Variants in MTMR3 observed in about 807,000 individuals in gnomAD.
MTMR3 encodes the protein myotubularin related protein 3.
Under a neutral mutation model 132.4 loss-of-function variants are expected in MTMR3, and 32 were observed. That is an observed-to-expected ratio of 0.24 (90% CI 0.18 to 0.32). The LOEUF is 0.32. Ranked by LOEUF, MTMR3 falls within the 10% of genes least tolerant of loss-of-function variation. The pLI is 1.00. For missense variants in MTMR3, 1,216 were observed against 1,489.6 expected (o/e 0.82, Z 3.02); for synonymous variants, 556 against 550.3 (o/e 1.01, Z -0.14).
intron 7 of MTMR3, chr22:29,992,596 G>A (rs2066986342): frequency 6.6e-6 from 1 of 152,178 alleles, no homozygotes; most frequent in Non-Finnish European, 1.5e-5. Context: ...TAGTGTGTCA[G>A]GTTTCAAAGT....
Position 29,883,376 on chromosome 22 carries a change from C to T in MTMR3, c.-138+17C>T, listed in dbSNP as rs3747148. ...TGCTGCCCGGTAAGAACCCCATCCC[C>T]GTCCTCCGTCTCCTCGGCGGGTGAG... On this transcript the variant is annotated intron_variant, in intron 1 of 19. Transcript: ENST00000401950. 0.1 allele frequency: 15,796 copies of T among 157,074 alleles called. 827 individuals are homozygous for T. The highest frequency in any genetic ancestry group is 0.14 in the Middle Eastern group (44 of 312). The allele number at this position is 157,074 out of a possible 1,614,324, so 9.7% of individuals were successfully genotyped here. A position where few individuals can be genotyped will look rare whatever the true frequency, so the allele number is the denominator to read the frequency against.
At chr22:29,950,353 T>C (rs914724296) in intron 1 of MTMR3, among the ~76,000 whole-genome samples, 1 of 132,056 alleles carries the variant, frequency 7.6e-6, no homozygotes, top group Non-Finnish European at 1.7e-5. Flanking sequence ...TTTCTGTTTT[T>C]TATTTTTTTA....
intron 1 of MTMR3, among the ~76,000 whole-genome samples, chr22:29,948,117 T>C (rs2065986047): frequency 6.6e-6 from 1 of 152,254 alleles, no homozygotes; most frequent in African/African-American, 2.4e-5. Flanking sequence ...ACATAGCCTC[T>C]AGTATTTGAA....
intron 1 of MTMR3, among the ~76,000 whole-genome samples, chr22:29,951,073 C>G (rs1488366468): frequency 6.6e-6 from 1 of 152,020 alleles, no homozygotes; most frequent in Non-Finnish European, 1.5e-5. Context: ...ATTGCTTGAA[C>G]CCAGGAGGCA....
intron 1 of MTMR3, among the ~76,000 whole-genome samples, chr22:29,908,467 C>CA (rs2065144857): frequency 6.6e-6 from 1 of 152,152 alleles, no homozygotes; most frequent in African/African-American, 2.4e-5. Flanking sequence ...GGATTTGCTT[C>CA]AGTACTCTGA....
At chr22:29,925,131 CAG>C (rs143933659) in intron 1 of MTMR3, among the ~76,000 whole-genome samples, 212 of 152,294 alleles carry the variant, frequency 1.4e-3, no homozygotes, top group African/African-American at 5.0e-3. Flanking sequence ...CTCCGAGGCT[CAG>C]GGGATCCTCC....
At chr22:29,910,924 T>G (rs2065199327) in intron 1 of MTMR3, among the ~76,000 whole-genome samples, 1 of 152,186 alleles carries the variant, frequency 6.6e-6, no homozygotes, top group Non-Finnish European at 1.5e-5. Context: ...AACTTTTATG[T>G]TTAGTAGGAT....
chr22:29,925,241 C>G (rs985768398), intron 1 of MTMR3, among the ~76,000 whole-genome samples: 2 of 152,126 alleles, frequency 1.3e-5, no homozygotes, highest in Admixed American at 1.3e-4. Flanking sequence ...CTATGTTAGT[C>G]AGATCGGTCT....
Position 30,016,672 on chromosome 22 carries a change from C to G in MTMR3, c.1648C>G (p.Leu550Val). The G allele has an allele frequency of 6.2e-7, 1 of 1,613,928 alleles. No homozygotes were observed. The highest frequency in any genetic ancestry group is 8.5e-7 in the Non-Finnish European group (1 of 1,179,874). The change falls in exon 15 of 20, where the codon CTA becomes GTA. Residue 550 changes from leucine (L) to valine (V), a missense_variant. By Grantham distance (32) the Leu-to-Val change is conservative. Around this residue, in one of 7 missense-constraint regions of MTMR3, gnomAD observed 852 missense variants for 852.0 expected, o/e 1.00. Coordinates refer to ENST00000401950, the MANE Select transcript of MTMR3 (RefSeq NM_021090.4). ...GGCAGGCAACAAGGCTTTCAAAAAC[C>G]TACTGTATTCCTCTCAGTCAGAAGC... is the stretch of plus-strand genomic sequence containing the variant. ...LRAGNKAFKN[L>V]LYSSQSEAVL...
intron 1 of MTMR3, among the ~76,000 whole-genome samples, chr22:29,899,324 A>G (rs1257303477): frequency 6.6e-6 from 1 of 152,174 alleles, no homozygotes; most frequent in African/African-American, 2.4e-5. Flanking sequence ...GAGTGCTGGG[A>G]TTATAGACGT....
intron 1 of MTMR3, among the ~76,000 whole-genome samples, chr22:29,893,791 AT>A (rs1398346375): frequency 1.3e-5 from 2 of 151,876 alleles, no homozygotes; most frequent in Non-Finnish European, 2.9e-5. Context: ...AGAGTTTCCC[AT>A]TTTTCTACAA....
rs1242386952 is a variant in MTMR3, at chr22:29,979,503, AAAC to A, written c.210+463_210+465del. ...GCAAGACTCCATCTCAAAAACAAAC[AAAC>A]AACAACAACAAAACACACTAGATCA... On this transcript the variant is annotated intron_variant, in intron 5 of 19. Coordinates refer to ENST00000401950, the MANE Select transcript of MTMR3 (RefSeq NM_021090.4). 7 of 239,866 alleles carry A rather than the reference AAAC, an allele frequency of 2.9e-5. 1 individual carries two copies. Among genetic ancestry groups the A allele is most frequent in the Admixed American group, 1.5e-4 (3 of 20,396 alleles). 14.9% of individuals were successfully genotyped at this position (239,866 alleles called of 1,614,324 possible). A position where few individuals can be genotyped will look rare whatever the true frequency, so the allele number is the denominator to read the frequency against.
chr22:29,886,062 C>T (rs539806333), intron 1 of MTMR3, among the ~76,000 whole-genome samples: 4 of 152,306 alleles, frequency 2.6e-5, no homozygotes, highest in East Asian at 1.9e-4. Context: ...CCCCAGTATC[C>T]AGCGCAGTTA....
intron 1 of MTMR3, among the ~76,000 whole-genome samples, chr22:29,925,181 C>T (rs543884537): frequency 5.1e-4 from 77 of 152,266 alleles, no homozygotes; most frequent in Admixed American, 3.1e-3. Context: ...CAGAGGTGTG[C>T]ATCACTATGC....
intron 17 of MTMR3, 188 bp downstream of exon 17, chr22:30,021,072 C>T: frequency 1.6e-6 from 1 of 631,996 alleles, no homozygotes; most frequent in Non-Finnish European, 2.7e-6. Flanking sequence ...CTGTTTTCTG[C>T]TTCGCTTACT....
At chr22:29,887,213 A>C (rs117966542) in intron 1 of MTMR3, among the ~76,000 whole-genome samples, 235 of 152,266 alleles carry the variant, frequency 1.5e-3, no homozygotes, top group Non-Finnish European at 2.8e-3. Flanking sequence ...GTAGATAGTA[A>C]ATCTTGGGTT....
rs73398700 is a variant in MTMR3 at position 30,019,247 on chromosome 22, G to T, written c.1821-233G>T. 2,585 of 469,406 alleles carry T rather than the reference G, an allele frequency of 5.5e-3. 45 individuals are homozygous for T. Among genetic ancestry groups the T allele is most frequent in the African/African-American group, 0.043 (2,210 of 51,276 alleles). 29.1% of individuals were successfully genotyped at this position (469,406 alleles called of 1,614,324 possible). ...AATAGCACTTGCTGTTAGCTCATTT[G>T]TATGTATGGGGCATGGGGTTGGGGG... On this transcript the variant is annotated intron_variant, in intron 16 of 19. Transcript: ENST00000401950.
At chr22:30,014,552 A>G (rs2067525199) in intron 14 of MTMR3, 1 of 136,690 alleles carries the variant, frequency 7.3e-6, no homozygotes, top group Non-Finnish European at 1.5e-5. Context: ...TGTGTCACCC[A>G]AGCTGGAGTG....
intron 1 of MTMR3, among the ~76,000 whole-genome samples, chr22:29,930,892 A>G (rs1023136893): frequency 2.0e-5 from 3 of 151,536 alleles, no homozygotes; most frequent in Non-Finnish European, 4.4e-5. Context: ...GAATAGTGCC[A>G]GCTACTCAGG....
Sources: allele counts gnomAD v4.1 joint callset (sites outside exome capture counted in the v4.1 genomes callset), GRCh38; gene constraint gnomAD v4.1.1; regional missense constraint gnomAD v4.1.1; transcripts MANE v1.5; gene names NCBI Gene and HGNC (gene_info 2026-07-23, HGNC 2026-07-21).